The following PCDHA1 variants were observed in gnomAD, a reference collection of about 807,000 sequenced individuals.
PCDHA1 encodes protocadherin alpha-1.
In PCDHA1, 42 loss-of-function variants were observed where a neutral mutation model predicts 61.3. The ratio of observed to expected loss-of-function variants is 0.69; its 90% CI spans 0.54 to 0.89. The LOEUF (loss-of-function observed/expected upper bound fraction) is 0.89. Among genes scored for constraint, PCDHA1 ranks in the 40% least tolerant of loss-of-function variants. The probability of loss-of-function intolerance (pLI) is 0.00; values close to 1 mark genes in which losing one functional copy is unlikely to be tolerated. For missense variants in PCDHA1, 1,256 were observed against 1,235.3 expected (o/e 1.02, Z -0.25); for synonymous variants, 610 against 553.8 (o/e 1.10, Z -1.43).
intron 3 of PCDHA1, among the ~76,000 whole-genome samples, chr5:140,994,595 C>CT (rs1554254262): frequency 6.6e-6 from 1 of 151,984 alleles, no homozygotes; most frequent in East Asian, 1.9e-4. Context: ...GTCTCAGCTA[C>CT]TTGGGAGGCT....
rs782568724 is a variant in PCDHA1, at chr5:140,927,659, A to C, written c.2395-51290A>C. Reference sequence around the variant, plus strand: ...AATGGGACTGTGTTATTCCGAGTTCAAGCCTTGGATCCAGATGAAGGGTCC... The same window carrying C: ...AATGGGACTGTGTTATTCCGAGTTCCAGCCTTGGATCCAGATGAAGGGTCC... On this transcript the variant is annotated intron_variant, in intron 1 of 3. Coordinates refer to ENST00000504120, the MANE Select transcript of PCDHA1 (RefSeq NM_018900.4). 4 of 1,614,108 alleles carry C rather than the reference A, an allele frequency of 2.5e-6. No homozygotes were observed. In the East Asian group the frequency reaches 6.7e-5, roughly 27 times the overall value.
At chr5:140,797,530 A>T (rs1354834041) in intron 1 of PCDHA1, 1 of 778,214 alleles carries the variant, frequency 1.3e-6, no homozygotes, top group Non-Finnish European at 2.1e-6. Context: ...TTATTTAAAC[A>T]ATCTACATAA....
At chr5:140,849,677 C>A (rs2150445032) in intron 1 of PCDHA1, 1 of 1,598,728 alleles carries the variant, frequency 6.3e-7, no homozygotes, top group East Asian at 2.2e-5. Flanking sequence ...CCCACGTCCC[C>A]TTCAAGCTGG....
At chr5:140,830,050 C>A (rs1770777643) in intron 1 of PCDHA1, 1 of 1,613,786 alleles carries the variant, frequency 6.2e-7, no homozygotes, top group Non-Finnish European at 8.5e-7. Flanking sequence ...TGGTGAAAGA[C>A]CACGGTGAGC....
intron 1 of PCDHA1, among the ~76,000 whole-genome samples, chr5:140,971,359 G>T (rs537725732): frequency 6.6e-5 from 10 of 152,312 alleles, no homozygotes; most frequent in Admixed American, 3.3e-4. Flanking sequence ...GGGAGATTTT[G>T]CCAGGAGAGT....
Position 140,843,512 on chromosome 5 carries a change from G to T in PCDHA1, c.2394+54828G>T, listed in dbSNP as rs2150361484. The T allele has an allele frequency of 6.3e-6, 10 of 1,595,848 alleles. 1 individual carries two copies. Among genetic ancestry groups the T allele is most frequent in the Non-Finnish European group, 8.6e-6 (10 of 1,165,572 alleles). On this transcript the variant is annotated intron_variant, in intron 1 of 3. Coordinates refer to ENST00000504120, the MANE Select transcript of PCDHA1 (RefSeq NM_018900.4). ...GTGCTCAGCACTGCCCACTGAGGGC[G>T]GGTGCCGGGCGGGCAAGCCCACTCT...
In PCDHA1 at chr5:140,817,799, C is replaced by A. The variant is rs569935488; in HGVS notation, c.2394+29115C>A. Among the ~76,000 whole-genome samples the A allele has an allele frequency of 2.0e-5, 3 of 152,040 alleles. No homozygotes were observed. The South Asian group carries it at 6.2e-4, about 32-fold the overall frequency. ...TAGTGTGGCCTGCTGGTAAAGAAAC[C>A]TTTACGTTTTTATATATCTGGAAAT... On this transcript the variant is annotated intron_variant, in intron 1 of 3. Transcript: ENST00000504120.
At chr5:140,965,128 A>G (rs2095876420) in intron 1 of PCDHA1, among the ~76,000 whole-genome samples, 1 of 152,244 alleles carries the variant, frequency 6.6e-6, no homozygotes, top group African/African-American at 2.4e-5. Flanking sequence ...AGATCTACAG[A>G]TGACAGAATA....
intron 1 of PCDHA1, chr5:140,822,269 C>A: frequency 2.5e-6 from 4 of 1,614,196 alleles, no homozygotes; most frequent in Non-Finnish European, 3.4e-6. Context: ...GGAGCAAATG[C>A]ACAATTGAGA....
Position 140,880,816 on chromosome 5 carries a change from G to A in PCDHA1, c.2394+92132G>A, listed in dbSNP as rs3806840. On this transcript the variant is annotated intron_variant, in intron 1 of 3. Transcript: ENST00000504120. ...ATAAATAGGTGAATGACTCTAGAGTGTCTGGAAGGGCATATTTTAAATGGT... is the reference window on the plus strand; with the variant it reads ...ATAAATAGGTGAATGACTCTAGAGTATCTGGAAGGGCATATTTTAAATGGT... Among the ~76,000 whole-genome samples the A allele has an allele frequency of 9.8e-5, 15 of 152,318 alleles. No individual in the cohort carries two copies. In the East Asian group the frequency reaches 2.9e-3, roughly 29 times the overall value.
intron 1 of PCDHA1, among the ~76,000 whole-genome samples, chr5:140,840,706 G>A (rs1262374408): frequency 6.6e-6 from 1 of 151,968 alleles, no homozygotes; most frequent in African/African-American, 2.4e-5. Flanking sequence ...CAGGCAATTT[G>A]ACATTTATTG....
rs781870271 is a variant in PCDHA1, at chr5:140,968,199, T to C, written c.2395-10750T>C. The C allele has an allele frequency of 4.3e-6, 7 of 1,613,986 alleles. No homozygotes were observed. The South Asian group carries it at 7.7e-5, about 18-fold the overall frequency. The stretch of plus-strand genomic sequence containing the variant: ...CTGGAGGACTCCTATTCCATCTACA[T>C]ACAGGAGAACAATTTGCCAGGTGTG... On this transcript the variant is annotated intron_variant, in intron 1 of 3. Transcript: ENST00000504120.
chr5:140,803,388 G>A, intron 1 of PCDHA1: 1 of 1,614,236 alleles, frequency 6.2e-7, no homozygotes, highest in Non-Finnish European at 8.5e-7. Flanking sequence ...AACCGAAGGC[G>A]ACTGTGGGCC....
At chr5:140,790,233 C>T (rs1172758262) in intron 1 of PCDHA1, among the ~76,000 whole-genome samples, 1 of 152,122 alleles carries the variant, frequency 6.6e-6, no homozygotes, top group Non-Finnish European at 1.5e-5. Context: ...TTTGCAAAAC[C>T]CACGGAAATA....
chr5:140,863,149 G>T, intron 1 of PCDHA1: 1 of 617,002 alleles, frequency 1.6e-6, no homozygotes, highest in Non-Finnish European at 3.1e-6. Context: ...GCTGGTGAAG[G>T]ACCACTGCGA....
chr5:140,933,441 C>T (rs1197059199), intron 1 of PCDHA1, among the ~76,000 whole-genome samples: 1 of 151,990 alleles, frequency 6.6e-6, no homozygotes, highest in African/African-American at 2.4e-5. Flanking sequence ...ACTCTAATGA[C>T]ATACCTTCAA....
Position 140,857,539 on chromosome 5 carries a change from G to A in PCDHA1, c.2394+68855G>A, listed in dbSNP as rs782469087. The A allele has an allele frequency of 1.3e-5, 20 of 1,597,384 alleles. 1 individual carries two copies. Among genetic ancestry groups the A allele is most frequent in the Non-Finnish European group, 1.7e-5 (20 of 1,167,720 alleles). ...TGTCCTACTCTCTGGTGGAGCGGCG[G>A]TTGGGCGAGCGCTCGCTGTCGAGCT... On this transcript the variant is annotated intron_variant, in intron 1 of 3. Coordinates refer to ENST00000504120, the MANE Select transcript of PCDHA1 (RefSeq NM_018900.4).
intron 1 of PCDHA1, among the ~76,000 whole-genome samples, chr5:140,948,945 A>C: frequency 6.6e-6 from 1 of 151,662 alleles, no homozygotes; most frequent in East Asian, 1.9e-4. Flanking sequence ...TCTAATATAA[A>C]AAAATTAAAG....
At chr5:140,882,212 G>A in intron 1 of PCDHA1, 1 of 1,539,436 alleles carries the variant, frequency 6.5e-7, no homozygotes. Context: ...TTGAGAGACA[G>A]TTTGAGGTAA....
Sources: allele counts gnomAD v4.1 joint callset (sites outside exome capture counted in the v4.1 genomes callset), GRCh38; gene constraint gnomAD v4.1.1; transcripts MANE v1.5; gene names NCBI Gene and HGNC (gene_info 2026-07-23, HGNC 2026-07-21).